ACOXL: variants seen among roughly 807,000 people sequenced by gnomAD.
ACOXL encodes the protein acyl-coenzyme A oxidase-like protein.
Under a neutral mutation model 71.9 loss-of-function variants are expected in ACOXL, and 70 were observed. The observed-to-expected ratio is 0.97, with a 90% CI of 0.80 to 1.19. The LOEUF is 1.19. Among genes scored for constraint, ACOXL ranks in the 50% most tolerant of loss-of-function variants. The pLI, the probability that ACOXL is intolerant of heterozygous loss-of-function variation, is 0.00. For missense variants in ACOXL, 703 were observed against 736.3 expected (o/e 0.95, Z 0.52); for synonymous variants, 253 against 281.6 (o/e 0.90, Z 1.02).
intron 12 of ACOXL, among the ~76,000 whole-genome samples, chr2:110,935,097 G>T (rs1304493545): frequency 6.6e-6 from 1 of 152,078 alleles, no homozygotes; most frequent in African/African-American, 2.4e-5. Flanking sequence ...AAGGAGGTTA[G>T]GTCAGCAGGT....
intron 16 of ACOXL, among the ~76,000 whole-genome samples, chr2:111,058,805 A>T (rs978874746): frequency 6.6e-6 from 1 of 152,182 alleles, no homozygotes; most frequent in African/African-American, 2.4e-5. Context: ...GGAGGGAGGG[A>T]ATTAGTTCTG....
At chr2:111,028,529 G>A (rs2065119589) in intron 14 of ACOXL, among the ~76,000 whole-genome samples, 1 of 131,774 alleles carries the variant, frequency 7.6e-6, no homozygotes, top group African/African-American at 2.9e-5. Flanking sequence ...CCATTTTGGT[G>A]TTGAAAGGAA....
chr2:111,092,925 A>G lies in ACOXL; in HGVS notation c.1501A>G (p.Lys501Glu). The change falls in exon 17 of 18, where the codon AAA becomes GAA. Residue 501 changes from lysine to glutamate, a missense_variant. Physicochemically the swap from Lys to Glu is moderately conservative, Grantham distance 56. Coordinates refer to ENST00000439055, the MANE Select transcript of ACOXL (RefSeq NM_001142807.4). The part of the protein sequence containing the change: ...FQERAWYLEH[K>E]YLTPMASTRI... ...GGAGCGGGCCTGGTATTTAGAACAT[A>G]AATACTTGACTCCCATGGCCAGCAC... The G allele has an allele frequency of 6.2e-7, 1 of 1,614,012 alleles. No homozygotes were observed. Among genetic ancestry groups the G allele is most frequent in the Non-Finnish European group, 8.5e-7 (1 of 1,179,978 alleles).
chr2:110,869,390 G>A (rs1694990698), intron 10 of ACOXL, among the ~76,000 whole-genome samples: 3 of 152,222 alleles, frequency 2.0e-5, no homozygotes, highest in Non-Finnish European at 4.4e-5. Context: ...GCATTTCTGT[G>A]TTCTGTCACC....
intron 17 of ACOXL, among the ~76,000 whole-genome samples, chr2:111,102,234 AGTCAG>A (rs1258747888): frequency 1.3e-5 from 2 of 152,312 alleles, no homozygotes; most frequent in Admixed American, 1.3e-4. Context: ...AGACCATTCA[AGTCAG>A]GTTAAGAAAA....
At chr2:111,116,481 T>G (rs971434671) in intron 17 of ACOXL, among the ~76,000 whole-genome samples, 1 of 151,414 alleles carries the variant, frequency 6.6e-6, no homozygotes, top group Non-Finnish European at 1.5e-5. Context: ...CCTTGGGACC[T>G]CACTGAAAAC....
intron 14 of ACOXL, among the ~76,000 whole-genome samples, chr2:111,015,160 T>C (rs548337960): frequency 2.6e-5 from 4 of 152,334 alleles, no homozygotes; most frequent in Non-Finnish European, 4.4e-5. Context: ...CTAAAAGATA[T>C]CATTAAGAAC....
At chr2:110,898,344 G>C (rs1280403032) in intron 10 of ACOXL, among the ~76,000 whole-genome samples, 2 of 151,970 alleles carry the variant, frequency 1.3e-5, no homozygotes, top group African/African-American at 4.8e-5. Flanking sequence ...AAAAATTTTA[G>C]CAAAATATTA....
rs190801672 is a variant in ACOXL at position 110,759,986 on chromosome 2, G to C, written c.-22-8382G>C. ...TTGCAAGTGGGATCTTTTCCTTCAT[G>C]TATTTTCTAACTGGTTTTTAATGTA... On this transcript the variant is annotated intron_variant, in intron 1 of 17. Transcript: ENST00000439055. 2.2e-4 allele frequency among the ~76,000 whole-genome samples: 33 copies of C among 151,886 alleles called. No individual in the cohort carries two copies. In the East Asian group the frequency reaches 6.0e-3, roughly 28 times the overall value.
chr2:110,938,710 T>C (rs1215606212), intron 12 of ACOXL, among the ~76,000 whole-genome samples: 1 of 149,224 alleles, frequency 6.7e-6, no homozygotes, highest in Non-Finnish European at 1.5e-5. Flanking sequence ...AACGAATAAA[T>C]GAATGAATGA....
At chr2:110,873,426 G>A (rs1695510533) in intron 10 of ACOXL, among the ~76,000 whole-genome samples, 1 of 152,208 alleles carries the variant, frequency 6.6e-6, no homozygotes, top group African/African-American at 2.4e-5. Context: ...TCCACAGGAT[G>A]CCGTGAGCCC....
intron 10 of ACOXL, among the ~76,000 whole-genome samples, chr2:110,879,445 C>T (rs1214935056): frequency 6.6e-6 from 1 of 152,174 alleles, no homozygotes; most frequent in Non-Finnish European, 1.5e-5. Flanking sequence ...AATGAAGACA[C>T]TTCAGAGTAC....
chr2:110,798,528 T>A, intron 5 of ACOXL, 82 bp from the exon 6 acceptor site: 1 of 1,142,222 alleles, frequency 8.8e-7, no homozygotes, highest in Non-Finnish European at 1.3e-6. Flanking sequence ...AGTGCTGGGA[T>A]TACAGTATTC....
At chr2:110,961,363 C>A (rs1345599527) in intron 12 of ACOXL, among the ~76,000 whole-genome samples, 2 of 152,224 alleles carry the variant, frequency 1.3e-5, no homozygotes, top group Non-Finnish European at 2.9e-5. Context: ...GCTCCCAGAA[C>A]TCCATTGCCT....
At chr2:111,059,543 T>C (rs886942425) in intron 16 of ACOXL, among the ~76,000 whole-genome samples, 13 of 152,212 alleles carry the variant, frequency 8.5e-5, no homozygotes, top group African/African-American at 2.9e-4. Flanking sequence ...GGAGACATAC[T>C]CATCCCTATT....
At chr2:110,757,920 C>A (rs1573368892) in intron 1 of ACOXL, among the ~76,000 whole-genome samples, 1 of 152,098 alleles carries the variant, frequency 6.6e-6, no homozygotes, top group Non-Finnish European at 1.5e-5. Flanking sequence ...TCAATTTTTG[C>A]TTTTGTTGCA....
At chr2:111,067,542 G>C (rs991579472) in intron 16 of ACOXL, among the ~76,000 whole-genome samples, 3 of 152,102 alleles carry the variant, frequency 2.0e-5, no homozygotes, top group African/African-American at 7.2e-5. Flanking sequence ...AAGAGAAGAA[G>C]GTGAGAGAAC....
rs780993442 is a variant in ACOXL, at chr2:110,794,156, C to T, written c.327C>T (p.Thr109=). The change falls in exon 5 of 18, where the codon ACC becomes ACT. Residue 109 remains threonine (T), a synonymous_variant. Coordinates refer to ENST00000439055, the MANE Select transcript of ACOXL (RefSeq NM_001142807.4). ...SNARGIQTEA[T]FDLSAQEFVI... ...CGAGAGGGATCCAGACCGAAGCCAC[C>T]TTTGACCTCTCTGCCCAGGTGAGGA... 3 of 1,614,078 alleles carry T rather than the reference C, an allele frequency of 1.9e-6. No homozygotes were observed. Among genetic ancestry groups the T allele is most frequent in the East Asian group, 2.2e-5 (1 of 44,896 alleles).
chr2:110,933,718 G>T, intron 12 of ACOXL, 76 bp downstream of exon 12: 5 of 1,483,528 alleles, frequency 3.4e-6, no homozygotes, highest in Non-Finnish European at 4.5e-6. Flanking sequence ...GGGGCGGGCA[G>T]ATAACATGCT....
Sources: allele counts gnomAD v4.1 joint callset (sites outside exome capture counted in the v4.1 genomes callset), GRCh38; gene constraint gnomAD v4.1.1; transcripts MANE v1.5; gene names NCBI Gene and HGNC (gene_info 2026-07-23, HGNC 2026-07-21).